The following TEX11 variants were observed in gnomAD, a reference collection of about 807,000 sequenced individuals.
The protein encoded by TEX11 is testis-expressed protein 11.
TEX11 carries 7 observed loss-of-function variants against 84.4 expected under a neutral mutation model. The observed-to-expected ratio is 0.08, with a 90% CI of 0.05 to 0.16. TEX11 has a LOEUF of 0.16. Among genes scored for constraint, TEX11 ranks in the 10% least tolerant of loss-of-function variants. The pLI is 1.00. For synonymous variants in TEX11, 264 were observed against 222.8 expected, an observed-to-expected ratio of 1.18 and a Z score of -1.64; for missense variants, 551 against 660.5, an observed-to-expected ratio of 0.83 and a Z score of 1.82.
At chrX:70,890,947 C>T (rs1445911969) in intron 2 of TEX11, among the ~76,000 whole-genome samples, 1 of 112,299 alleles carries the variant, frequency 8.9e-6, no homozygotes, top group Non-Finnish European at 1.9e-5. Context: ...GGAGATGCCT[C>T]CCAGTAGGGG....
chrX:70,807,295 TA>T (rs1199036087), intron 8 of TEX11, among the ~76,000 whole-genome samples: 1 of 111,784 alleles, frequency 8.9e-6, no homozygotes, highest in Admixed American at 9.5e-5. Context: ...TCTGAAGTTC[TA>T]AAATGTGTCC....
Position 70,591,835 on chromosome X carries a change from C to A in TEX11, c.2068-12G>T. 8.4e-7 allele frequency: 1 copy of A among 1,188,474 alleles called. No individual in the cohort carries two copies. The highest frequency in any genetic ancestry group is 1.1e-6 in the Non-Finnish European group (1 of 877,597). On this transcript the variant is annotated splice_polypyrimidine_tract_variant and intron_variant, in intron 24 of 29. Transcript: ENST00000374333. Reference sequence around the variant, plus strand: ...CTCAGGAACATGGTCTGTTTGGCAACAGTGCAACAAGTTAATTAGTCCCAA... The same window carrying A: ...CTCAGGAACATGGTCTGTTTGGCAAAAGTGCAACAAGTTAATTAGTCCCAA...
intron 8 of TEX11, among the ~76,000 whole-genome samples, chrX:70,810,273 C>T (rs1411200935): frequency 8.9e-6 from 1 of 111,782 alleles, no homozygotes; most frequent in Admixed American, 9.5e-5. Flanking sequence ...TACTATTTGA[C>T]CCAGCAATCC....
In TEX11 at chrX:70,567,197, T is replaced by TG. The variant is rs1484510769; in HGVS notation, c.2141-12398dup. Among the ~76,000 whole-genome samples, 6 of 110,843 alleles carry TG rather than the reference T, an allele frequency of 5.4e-5. No homozygotes were observed. The East Asian group carries it at 1.7e-3, about 31-fold the overall frequency. On this transcript the variant is annotated intron_variant, in intron 25 of 29. Coordinates refer to ENST00000374333, the MANE Select transcript of TEX11 (RefSeq NM_031276.3). ...ATTTTCTAGTTTATTTGCGTAGAGG[T>TG]GTTTGTAGTATTCTCTGATGGTAGT...
chrX:70,563,961 G>A (rs1437814867), intron 25 of TEX11, among the ~76,000 whole-genome samples: 1 of 112,264 alleles, frequency 8.9e-6, no homozygotes, highest in Non-Finnish European at 1.9e-5. Context: ...GGGTGTGGTG[G>A]TCCACGCCTG....
intron 4 of TEX11, among the ~76,000 whole-genome samples, chrX:70,868,416 A>G (rs2091610764): frequency 8.9e-6 from 1 of 111,816 alleles, no homozygotes; most frequent in Non-Finnish European, 1.9e-5. Flanking sequence ...GAACGCTTTT[A>G]CACTGTTGGT....
the TEX11 span, among the ~76,000 whole-genome samples, chrX:70,523,707 GC>G: frequency 9.2e-6 from 1 of 108,189 alleles, no homozygotes; most frequent in South Asian, 4.2e-4. Context: ...CTCGTGATCT[GC>G]CCGCCTCGGC....
intron 20 of TEX11, among the ~76,000 whole-genome samples, chrX:70,620,688 T>C (rs749024123): frequency 1.2e-4 from 14 of 112,412 alleles, no homozygotes; most frequent in Non-Finnish European, 2.1e-4. Flanking sequence ...TGCCAAAACT[T>C]GGAAGAAATC....
intron 17 of TEX11, among the ~76,000 whole-genome samples, chrX:70,641,256 A>T (rs1312189695): frequency 3.6e-5 from 4 of 111,591 alleles, no homozygotes; most frequent in Admixed American, 1.9e-4. Context: ...AGGAGCACCC[A>T]GATTCATAAA....
chrX:70,515,432 C>T, the TEX11 span, among the ~76,000 whole-genome samples: 1 of 111,553 alleles, frequency 9.0e-6, no homozygotes, highest in Non-Finnish European at 1.9e-5. Context: ...CATCCATGTC[C>T]CTACAAAGGA....
At chrX:70,564,829 G>A (rs1464240444) in intron 25 of TEX11, among the ~76,000 whole-genome samples, 1 of 110,187 alleles carries the variant, frequency 9.1e-6, no homozygotes, top group Non-Finnish European at 1.9e-5. Context: ...GTTGGTTCCA[G>A]GTCTTTCCTA....
intron 13 of TEX11, among the ~76,000 whole-genome samples, chrX:70,719,144 C>G (rs1408692218): frequency 8.9e-6 from 1 of 111,771 alleles, no homozygotes; most frequent in African/African-American, 3.3e-5. Flanking sequence ...CGGTTGAGGC[C>G]ACAGAATAAT....
intron 9 of TEX11, among the ~76,000 whole-genome samples, chrX:70,744,573 T>C (rs955403335): frequency 1.8e-5 from 2 of 109,715 alleles, no homozygotes; most frequent in Non-Finnish European, 3.8e-5. Context: ...TAACTTAATA[T>C]GCTACATTAA....
At chrX:70,904,161 C>T (rs2091817836) in intron 2 of TEX11, among the ~76,000 whole-genome samples, 1 of 109,867 alleles carries the variant, frequency 9.1e-6, no homozygotes, top group South Asian at 3.9e-4. Flanking sequence ...ACAAAAAAGA[C>T]TGGTGTTATG....
intron 7 of TEX11, among the ~76,000 whole-genome samples, chrX:70,851,241 T>C (rs2091506686): frequency 8.9e-6 from 1 of 112,169 alleles, no homozygotes; most frequent in Non-Finnish European, 1.9e-5. Context: ...AGCATAAGGC[T>C]AGATATACAG....
intron 25 of TEX11, among the ~76,000 whole-genome samples, chrX:70,560,988 A>G (rs1341915386): frequency 1.1e-5 from 1 of 93,509 alleles, no homozygotes; most frequent in African/African-American, 4.2e-5. Flanking sequence ...GGCTCAACCA[A>G]TCCTCCCACC....
chrX:70,657,519 G>A (rs865805991), intron 16 of TEX11, among the ~76,000 whole-genome samples: 2 of 107,408 alleles, frequency 1.9e-5, no homozygotes, highest in South Asian at 4.0e-4. Context: ...ATGAAAGCAT[G>A]TCAGAAAAAT....
rs1332306458 is a variant in TEX11 at position 70,862,845 on chromosome X, G to A, written c.245-1909C>T. On this transcript the variant is annotated intron_variant, in intron 4 of 29. Coordinates refer to ENST00000374333, the MANE Select transcript of TEX11 (RefSeq NM_031276.3). ...CAGGAAAGTCTCTTCAACCTGGGAG[G>A]CGGAAGTTGCAGTGAGTTGAGATCA... 2.8e-5 allele frequency among the ~76,000 whole-genome samples: 3 copies of A among 108,326 alleles called. No homozygotes were observed. In the Admixed American group the frequency reaches 3.0e-4, roughly 11 times the overall value. The allele number at this position is 108,326 out of a possible 115,157, so 94.1% of individuals were successfully genotyped here.
intron 9 of TEX11, among the ~76,000 whole-genome samples, chrX:70,774,776 A>G (rs2090991805): frequency 9.0e-6 from 1 of 111,437 alleles, no homozygotes; most frequent in Non-Finnish European, 1.9e-5. Flanking sequence ...AAGTGACCAA[A>G]CTGTCCAAAG....
Sources: gnomAD v4.1 joint callset for allele counts (sites outside exome capture counted in the v4.1 genomes callset) on GRCh38, gnomAD v4.1.1 for gene constraint, MANE v1.5 for transcripts, NCBI Gene and HGNC (gene_info 2026-07-23, HGNC 2026-07-21) for gene names.